The following ASTN2 variants were observed in gnomAD, a reference collection of about 807,000 sequenced individuals.
ASTN2 encodes astrotactin-2.
In ASTN2, 54 loss-of-function variants were observed where a neutral mutation model predicts 139.8. The ratio of observed to expected loss-of-function variants is 0.39; its 90% confidence interval spans 0.31 to 0.48. ASTN2 has a LOEUF of 0.48. Among genes scored for constraint, ASTN2 ranks in the 20% least tolerant of loss-of-function variants. ASTN2 has a pLI of 0.95. For synonymous variants in ASTN2, 756 were observed against 719.5 expected (o/e 1.05, Z -0.81); for missense variants, 1,565 against 1,725.1 (o/e 0.91, Z 1.64).
chr9:117,313,878 A>T (rs1338229335), intron 1 of ASTN2, among the ~76,000 whole-genome samples: 3 of 152,080 alleles, frequency 2.0e-5, no homozygotes, highest in African/African-American at 7.2e-5. Context: ...TTCTTTCTCA[A>T]CCTTCTAAAT....
intron 2 of ASTN2, among the ~76,000 whole-genome samples, chr9:117,271,578 C>T (rs773239317): frequency 7.2e-5 from 11 of 152,174 alleles, no homozygotes; most frequent in Non-Finnish European, 1.5e-4. Context: ...CAAGGTAAGT[C>T]CCTTCCACCT....
intron 19 of ASTN2, among the ~76,000 whole-genome samples, chr9:116,588,319 C>T (rs1208307089): frequency 1.3e-5 from 2 of 152,232 alleles, no homozygotes; most frequent in African/African-American, 4.8e-5. Flanking sequence ...TTTTGTTTCA[C>T]TGTCTCTTGG....
chr9:116,851,450 T>A lies in ASTN2; in HGVS notation c.2040+12133A>T, dbSNP rs1832598628. Among the ~76,000 whole-genome samples, 4 of 150,726 alleles carry A rather than the reference T, an allele frequency of 2.7e-5. No individual in the cohort carries two copies. In the South Asian group the frequency reaches 8.3e-4, roughly 31 times the overall value. ...TTTACATATTTTTCTATATATTATA[T>A]TGCACAGTAAAATTGCTAAACATCT... On this transcript the variant is annotated intron_variant, in intron 11 of 22. Transcript: ENST00000313400.
chr9:116,542,557 G>GA (rs966013517), intron 19 of ASTN2, among the ~76,000 whole-genome samples: 4 of 152,142 alleles, frequency 2.6e-5, no homozygotes, highest in African/African-American at 4.8e-5. Context: ...TATATTCTGG[G>GA]AAAAAAATAG....
At chr9:117,319,342 T>A (rs946907833) in intron 1 of ASTN2, among the ~76,000 whole-genome samples, 1 of 152,196 alleles carries the variant, frequency 6.6e-6, no homozygotes, top group Non-Finnish European at 1.5e-5. Flanking sequence ...ACTTAATAAT[T>A]GTATGAATTC....
At chr9:116,659,683 A>G (rs1376204722) in intron 16 of ASTN2, among the ~76,000 whole-genome samples, 1 of 152,126 alleles carries the variant, frequency 6.6e-6, no homozygotes, top group African/African-American at 2.4e-5. Flanking sequence ...ACCCCCAGGT[A>G]ATGCCCCCAA....
chr9:116,531,776 T>C (rs943657025), intron 19 of ASTN2, among the ~76,000 whole-genome samples: 1 of 152,288 alleles, frequency 6.6e-6, no homozygotes, highest in South Asian at 2.1e-4. Flanking sequence ...TGATGGACAT[T>C]TGGGTTGGTT....
intron 1 of ASTN2, among the ~76,000 whole-genome samples, chr9:117,306,890 C>G (rs1440712192): frequency 1.3e-5 from 2 of 152,118 alleles, no homozygotes; most frequent in Non-Finnish European, 2.9e-5. Context: ...GTGAAATATA[C>G]TAGAAGGAAC....
intron 10 of ASTN2, among the ~76,000 whole-genome samples, chr9:116,970,317 C>T (rs539696483): frequency 2.6e-5 from 4 of 152,250 alleles, no homozygotes; most frequent in Admixed American, 2.6e-4. Flanking sequence ...ATTTACATTT[C>T]TAATAAGTTT....
At chr9:116,997,110 A>G (rs1837047141) in intron 7 of ASTN2, among the ~76,000 whole-genome samples, 1 of 152,136 alleles carries the variant, frequency 6.6e-6, no homozygotes, top group South Asian at 2.1e-4. Context: ...TCAAGTTCAG[A>G]AGCAAAGGTT....
At chr9:117,090,402 C>T (rs1161293358) in intron 5 of ASTN2, among the ~76,000 whole-genome samples, 3 of 151,820 alleles carry the variant, frequency 2.0e-5, no homozygotes, top group South Asian at 2.1e-4. Context: ...CAGTTCTGTG[C>T]TTTGGGAAGA....
At chr9:117,348,308 G>C (rs1192555803) in intron 1 of ASTN2, among the ~76,000 whole-genome samples, 1 of 152,082 alleles carries the variant, frequency 6.6e-6, no homozygotes, top group Admixed American at 6.6e-5. Context: ...CAAAATATTG[G>C]GGATTAACTC....
At chr9:116,816,360 A>G (rs1354434604) in intron 12 of ASTN2, among the ~76,000 whole-genome samples, 1 of 152,096 alleles carries the variant, frequency 6.6e-6, no homozygotes, top group South Asian at 2.1e-4. Context: ...GACCTTCTCA[A>G]TCTATCTTGA....
intron 19 of ASTN2, among the ~76,000 whole-genome samples, chr9:116,589,567 CAA>C (rs916506568): frequency 6.6e-6 from 1 of 152,136 alleles, no homozygotes; most frequent in African/African-American, 2.4e-5. Flanking sequence ...CTATTGAAAA[CAA>C]AGATTCTGCA....
At chr9:116,560,522 A>G (rs999779253) in intron 19 of ASTN2, among the ~76,000 whole-genome samples, 4 of 151,990 alleles carry the variant, frequency 2.6e-5, no homozygotes, top group African/African-American at 9.7e-5. Context: ...AGTAACCTTC[A>G]ATAAGTTTGT....
At chr9:116,822,412 T>C (rs1831513005) in intron 11 of ASTN2, among the ~76,000 whole-genome samples, 1 of 152,136 alleles carries the variant, frequency 6.6e-6, no homozygotes, top group Non-Finnish European at 1.5e-5. Flanking sequence ...TGAAGTGCTG[T>C]ACATATTAAT....
intron 20 of ASTN2, among the ~76,000 whole-genome samples, chr9:116,453,151 G>A (rs772731262): frequency 6.6e-6 from 1 of 152,084 alleles, no homozygotes; most frequent in Non-Finnish European, 1.5e-5. Flanking sequence ...GGGTGGGAGT[G>A]GGACAAAGAA....
At chr9:117,307,978 C>T (rs1308988575) in intron 1 of ASTN2, among the ~76,000 whole-genome samples, 1 of 152,202 alleles carries the variant, frequency 6.6e-6, no homozygotes, top group Non-Finnish European at 1.5e-5. Context: ...CTCGAACTGT[C>T]CATCCACTTA....
chr9:116,582,876 A>T (rs1261385596), intron 19 of ASTN2: 1 of 152,198 alleles, frequency 6.6e-6, no homozygotes, highest in Non-Finnish European at 1.5e-5. Flanking sequence ...CTGTTTTCTT[A>T]TCCCTCTGAG....
Sources: gnomAD v4.1 joint callset for allele counts (sites outside exome capture counted in the v4.1 genomes callset) on GRCh38, gnomAD v4.1.1 for gene constraint, MANE v1.5 for transcripts, NCBI Gene and HGNC (gene_info 2026-07-23, HGNC 2026-07-21) for gene names.